Variants in HYDIN observed in about 807,000 individuals in gnomAD.
The protein encoded by HYDIN is HYDIN axonemal central pair apparatus protein.
Under a neutral mutation model 403.9 loss-of-function variants are expected in HYDIN, and 132 were observed. The ratio of observed to expected loss-of-function variants is 0.33; its 90% confidence interval spans 0.28 to 0.38. The LOEUF (loss-of-function observed/expected upper bound fraction) is 0.38, where lower values mean the gene tolerates loss of function less well. Among genes scored for constraint, HYDIN ranks in the 10% least tolerant of loss-of-function variants. The pLI is 1.00. For missense variants in HYDIN, 2,827 were observed against 5,009.5 expected, an observed-to-expected ratio of 0.56 and a Z score of 13.15; for synonymous variants, 1,202 against 1,891.7, an observed-to-expected ratio of 0.64 and a Z score of 9.46.
intron 11 of HYDIN, among the ~76,000 whole-genome samples, chr16:71,092,543 T>C (rs2083143505): frequency 6.6e-6 from 1 of 152,180 alleles, no homozygotes; most frequent in South Asian, 2.1e-4. Flanking sequence ...TCACAAATAG[T>C]TCTCACAAAT....
intron 37 of HYDIN, among the ~76,000 whole-genome samples, chr16:70,963,119 C>T (rs980777574): frequency 6.6e-5 from 10 of 151,070 alleles, no homozygotes; most frequent in African/African-American, 2.2e-4. Context: ...GGCTGCTGGG[C>T]AGTCCCTCTG....
chr16:71,098,358 C>A (rs551335007), intron 10 of HYDIN, among the ~76,000 whole-genome samples: 2 of 151,934 alleles, frequency 1.3e-5, no homozygotes, highest in East Asian at 3.9e-4. Flanking sequence ...CCCGCCACCA[C>A]GCCCGGCTAA....
intron 60 of HYDIN, among the ~76,000 whole-genome samples, chr16:70,881,802 T>C (rs1050785710): frequency 1.3e-5 from 2 of 152,234 alleles, no homozygotes; most frequent in African/African-American, 4.8e-5. Flanking sequence ...CTGTGAACAA[T>C]GCCAGCTCTG....
chr16:71,217,828 G>A (rs551242274), intron 1 of HYDIN, among the ~76,000 whole-genome samples: 15 of 152,266 alleles, frequency 9.9e-5, no homozygotes, highest in African/African-American at 1.7e-4. Context: ...TGCTTTGCGG[G>A]AGAGCCATTC....
chr16:70,962,282 C>T (rs887011358), intron 37 of HYDIN, 144 bp from the exon 38 acceptor site: 2 of 401,034 alleles, frequency 5.0e-6, no homozygotes, highest in African/African-American at 4.2e-5. Flanking sequence ...CCCAAATAAA[C>T]AAGAACTGCA....
In HYDIN at chr16:70,853,748, G is replaced by A. The variant is rs1194437744; in HGVS notation, c.12443+1380C>T. Among the ~76,000 whole-genome samples, 16 of 141,524 alleles carry A rather than the reference G, an allele frequency of 1.1e-4. 1 individual carries two copies. In the East Asian group the frequency reaches 2.2e-3, roughly 19 times the overall value. 92.8% of individuals were successfully genotyped at this position (141,524 alleles called of 152,430 possible). A position where few individuals can be genotyped will look rare whatever the true frequency, so the allele number is the denominator to read the frequency against. Reference sequence around the variant, plus strand: ...AAAAGGGTCACATGAGGAATCCTGCGGCAAGGGATCTGTTCTGTGTCTTGA... The same window carrying A: ...AAAAGGGTCACATGAGGAATCCTGCAGCAAGGGATCTGTTCTGTGTCTTGA... On this transcript the variant is annotated intron_variant, in intron 73 of 85. Transcript: ENST00000393567.
chr16:71,204,591 T>C (rs558200512), intron 1 of HYDIN, among the ~76,000 whole-genome samples: 1 of 152,230 alleles, frequency 6.6e-6, no homozygotes, highest in Non-Finnish European at 1.5e-5. Context: ...TAATTCATAT[T>C]GGATGGGTGT....
At chr16:71,093,743 A>C in intron 11 of HYDIN, 74 bp downstream of exon 11, 1 of 1,534,422 alleles carries the variant, frequency 6.5e-7, no homozygotes, top group Admixed American at 2.0e-5. Flanking sequence ...CCATCAAATA[A>C]AAACATATAA....
At chr16:70,946,383 T>C (rs1381332453) in intron 41 of HYDIN, among the ~76,000 whole-genome samples, 2 of 149,974 alleles carry the variant, frequency 1.3e-5, no homozygotes, top group Admixed American at 6.7e-5. Context: ...TCATCTTGAA[T>C]AGATGCAGAG....
At chr16:71,115,652 G>A in intron 10 of HYDIN, 44 bp downstream of exon 10, 2 of 884,642 alleles carry the variant, frequency 2.3e-6, no homozygotes, top group East Asian at 2.4e-5. Context: ...TTCATGCTCT[G>A]GGTGCCTGGT....
chr16:70,990,791 T>G (rs1338706317), intron 25 of HYDIN, among the ~76,000 whole-genome samples: 1 of 152,232 alleles, frequency 6.6e-6, no homozygotes, highest in Non-Finnish European at 1.5e-5. Flanking sequence ...ATTTTAAATT[T>G]TGATCTACTT....
At chr16:71,137,035 T>C in intron 8 of HYDIN, 116 bp downstream of exon 8, 1 of 698,522 alleles carries the variant, frequency 1.4e-6, no homozygotes. Context: ...TAGAAAAATG[T>C]GACATTGGTT....
chr16:71,202,108 A>G (rs1335169861), intron 1 of HYDIN, among the ~76,000 whole-genome samples: 3 of 152,218 alleles, frequency 2.0e-5, no homozygotes, highest in African/African-American at 7.2e-5. Context: ...AGAGTCTGAA[A>G]GACTGGTAGG....
chr16:71,210,750 CTCATT>C, intron 1 of HYDIN, among the ~76,000 whole-genome samples: 1 of 152,136 alleles, frequency 6.6e-6, no homozygotes, highest in East Asian at 1.9e-4. Flanking sequence ...TAAAATTTCA[CTCATT>C]TAGATGAAAT....
chr16:70,843,007 C>A (rs2143550622), intron 75 of HYDIN, among the ~76,000 whole-genome samples: 1 of 149,486 alleles, frequency 6.7e-6, no homozygotes, highest in African/African-American at 2.4e-5. Flanking sequence ...AACTTAATTT[C>A]TTTTTTTTTA....
chr16:70,842,061 C>T (rs3904993), intron 75 of HYDIN, among the ~76,000 whole-genome samples: 6,431 of 146,198 alleles, frequency 0.044, 504 homozygotes, highest in African/African-American at 0.16. Context: ...ATACTTTGCA[C>T]GATTTCAATC....
chr16:70,821,914 A>T (rs1371768191), intron 83 of HYDIN, among the ~76,000 whole-genome samples: 1 of 152,154 alleles, frequency 6.6e-6, no homozygotes, highest in African/African-American at 2.4e-5. Flanking sequence ...CTGCTCAGAA[A>T]ATAGATTTCT....
intron 8 of HYDIN, chr16:71,132,282 G>A (rs1270035502): frequency 5.3e-4 from 10 of 18,692 alleles, no homozygotes; most frequent in Non-Finnish European, 1.1e-3. Flanking sequence ...GCATTGGCAT[G>A]AGCCTGTGGA....
chr16:70,859,215 A>G (rs774567598), intron 71 of HYDIN, among the ~76,000 whole-genome samples: 127 of 152,222 alleles, frequency 8.3e-4, no homozygotes, highest in Admixed American at 2.9e-3. Context: ...TCAGGAGAAT[A>G]GCGTGAACCC....
Sources: gnomAD v4.1 joint callset for allele counts (sites outside exome capture counted in the v4.1 genomes callset) on GRCh38, gnomAD v4.1.1 for gene constraint, MANE v1.5 for transcripts, NCBI Gene and HGNC (gene_info 2026-07-23, HGNC 2026-07-21) for gene names.